BMP7: variants seen among roughly 807,000 people sequenced by gnomAD.
BMP7 encodes bone morphogenetic protein 7.
A neutral mutation model predicts 41.2 loss-of-function variants in BMP7; 12 were observed. That is an observed-to-expected ratio of 0.29 (90% CI 0.19 to 0.47). The LOEUF is 0.47. BMP7 is among the 20% of genes least tolerant of loss of function. BMP7 has a pLI of 0.99. For synonymous variants in BMP7, 248 were observed against 250.0 expected (o/e 0.99, Z 0.07); for missense variants, 467 against 606.0 (o/e 0.77, Z 2.41).
At chr20:57,220,013 G>C (rs959851663) in intron 2 of BMP7, among the ~76,000 whole-genome samples, 5 of 152,160 alleles carry the variant, frequency 3.3e-5, no homozygotes, top group Non-Finnish European at 7.4e-5. Flanking sequence ...GGAGGGAAAG[G>C]GATCCATTAG....
At chr20:57,237,190 CA>C (rs1383454903) in intron 1 of BMP7, among the ~76,000 whole-genome samples, 1 of 152,194 alleles carries the variant, frequency 6.6e-6, no homozygotes, top group Non-Finnish European at 1.5e-5. Flanking sequence ...GGGCCGGGGA[CA>C]GACCCCCACA....
At chr20:57,240,378 T>C (rs2066064183) in intron 1 of BMP7, among the ~76,000 whole-genome samples, 2 of 152,212 alleles carry the variant, frequency 1.3e-5, no homozygotes, top group South Asian at 4.1e-4. Context: ...TCAGCCTGGA[T>C]TTTATTGTCC....
rs1249323883 is a variant in BMP7, at chr20:57,215,292, C to T, written c.612-12669G>A. ...GCATGGGCTTCCGGTTGAGTGCCCCCATTTACTGTCCCCATCACCTCTTCG... is the reference window on the plus strand; with the variant it reads ...GCATGGGCTTCCGGTTGAGTGCCCCTATTTACTGTCCCCATCACCTCTTCG... On this transcript the variant is annotated intron_variant, in intron 2 of 6. Transcript: ENST00000395863. The surrounding 1 kb of genome is among the most constrained non-coding windows in gnomAD (Gnocchi z 4.2). Among the ~76,000 whole-genome samples, 1 of 152,242 alleles carries T rather than the reference C, an allele frequency of 6.6e-6. No individual in the cohort carries two copies. The highest frequency in any genetic ancestry group is 1.5e-5 in the Non-Finnish European group (1 of 68,044).
intron 3 of BMP7, among the ~76,000 whole-genome samples, chr20:57,194,699 T>G (rs963210608): frequency 6.6e-6 from 1 of 152,216 alleles, no homozygotes; most frequent in Non-Finnish European, 1.5e-5. Flanking sequence ...GCTAAGCCCG[T>G]TCCATGCATC....
At position 57,214,131 on chromosome 20, in the gene BMP7, C is replaced by G. The variant is rs1278224642; in HGVS notation, c.612-11508G>C. ...TACCTGAGAGGCGAGCACTGTTGTCCCCTCTCACAGGTGGGAGACTGAGGC... is the reference window on the plus strand; with the variant it reads ...TACCTGAGAGGCGAGCACTGTTGTCGCCTCTCACAGGTGGGAGACTGAGGC... On this transcript the variant is annotated intron_variant, in intron 2 of 6. Transcript: ENST00000395863. This position sits in a 1 kb window ranked among gnomAD's most constrained non-coding sequence, Gnocchi z 4.0. Among the ~76,000 whole-genome samples the G allele has an allele frequency of 1.3e-5, 2 of 152,168 alleles. No individual in the cohort carries two copies. Among genetic ancestry groups the G allele is most frequent in the African/African-American group, 4.8e-5 (2 of 41,434 alleles).
intron 1 of BMP7, among the ~76,000 whole-genome samples, chr20:57,243,459 A>G (rs1005203461): frequency 1.3e-5 from 2 of 152,180 alleles, no homozygotes; most frequent in African/African-American, 2.4e-5. Context: ...TGGGTGACAC[A>G]GCAAGACTCT....
intron 1 of BMP7, among the ~76,000 whole-genome samples, chr20:57,239,380 C>T (rs941786700): frequency 3.3e-5 from 5 of 152,210 alleles, no homozygotes; most frequent in African/African-American, 1.2e-4. Context: ...GGTGGCTTCC[C>T]ATGGTCTTAG....
rs889503060 is a variant in BMP7, at chr20:57,228,578, G to C, written c.419-157C>G. 6.6e-6 allele frequency among the ~76,000 whole-genome samples: 1 copy of C among 152,186 alleles called. No individual in the cohort carries two copies. The highest frequency in any genetic ancestry group is 1.5e-5 in the Non-Finnish European group (1 of 68,034). On this transcript the variant is annotated intron_variant, in intron 1 of 6. Transcript: ENST00000395863. This position sits in a 1 kb window ranked among gnomAD's most constrained non-coding sequence, Gnocchi z 4.5. ...ACTGCTCCTTCCTCACCAACACACT[G>C]TAGACTGGAGGGTCACAGGCTCAGA...
rs569678002 is a variant in BMP7 at position 57,214,501 on chromosome 20, G to T, written c.612-11878C>A. Among the ~76,000 whole-genome samples the T allele has an allele frequency of 9.9e-5, 15 of 152,112 alleles. 1 individual carries two copies. The South Asian group carries it at 2.9e-3, about 30-fold the overall frequency. On this transcript the variant is annotated intron_variant, in intron 2 of 6. Coordinates refer to ENST00000395863, the MANE Select transcript of BMP7 (RefSeq NM_001719.3). The surrounding 1 kb of genome is among the most constrained non-coding windows in gnomAD (Gnocchi z 4.0). ...AACTCCAGGTCATCCAACCTGTAAGGCCCTGGATGGTCCGGCCCCTGTCTC... is the reference window on the plus strand; with the variant it reads ...AACTCCAGGTCATCCAACCTGTAAGTCCCTGGATGGTCCGGCCCCTGTCTC...
intron 2 of BMP7, among the ~76,000 whole-genome samples, chr20:57,204,052 T>C (rs1984679537): frequency 6.6e-6 from 1 of 152,222 alleles, no homozygotes; most frequent in African/African-American, 2.4e-5. Context: ...TGCCCAGGGT[T>C]ATGCCACTAG....
At chr20:57,211,277 G>C (rs1984877249) in intron 2 of BMP7, among the ~76,000 whole-genome samples, 1 of 152,202 alleles carries the variant, frequency 6.6e-6, no homozygotes, top group African/African-American at 2.4e-5. Context: ...AAAAACTGAG[G>C]GGCAGGGAGG....
intron 2 of BMP7, among the ~76,000 whole-genome samples, chr20:57,203,418 T>C (rs563707021): frequency 6.6e-6 from 1 of 151,334 alleles, no homozygotes; most frequent in East Asian, 1.9e-4. Context: ...GGTGAATGAG[T>C]GGATGGATGG....
rs2066153495 is a variant in BMP7 at position 57,261,416 on chromosome 20, C to A, written c.418+4289G>T. 6.6e-6 allele frequency among the ~76,000 whole-genome samples: 1 copy of A among 152,180 alleles called. No individual in the cohort carries two copies. Among genetic ancestry groups the A allele is most frequent in the Admixed American group, 6.6e-5 (1 of 15,266 alleles). ...AACCAAAAACAGCCACCCAAGTTGG[C>A]ATCCAGGGCTCAGCCTTACCCTGCC... On this transcript the variant is annotated intron_variant, in intron 1 of 6. Coordinates refer to ENST00000395863, the MANE Select transcript of BMP7 (RefSeq NM_001719.3). The surrounding 1 kb of genome is among the most constrained non-coding windows in gnomAD (Gnocchi z 4.1).
intron 2 of BMP7, among the ~76,000 whole-genome samples, chr20:57,220,548 G>A (rs1985165055): frequency 6.6e-6 from 1 of 152,196 alleles, no homozygotes; most frequent in African/African-American, 2.4e-5. Context: ...GAATCAAAGT[G>A]CCAAATCAAG....
At chr20:57,229,418 G>T (rs1046352755) in intron 1 of BMP7, among the ~76,000 whole-genome samples, 1 of 152,114 alleles carries the variant, frequency 6.6e-6, no homozygotes, top group African/African-American at 2.4e-5. Context: ...TCCTGGCAGC[G>T]GTATTAGACT....
chr20:57,220,882 G>A (rs777633394), intron 2 of BMP7, among the ~76,000 whole-genome samples: 3 of 152,156 alleles, frequency 2.0e-5, no homozygotes, highest in East Asian at 1.9e-4. Flanking sequence ...TTGGTAGGAC[G>A]AACTAGCTCC....
Position 57,170,593 on chromosome 20 carries a change from C to G in BMP7, c.*366G>C. On this transcript the variant is annotated 3_prime_UTR_variant, in exon 7 of 7. Coordinates refer to ENST00000395863, the MANE Select transcript of BMP7 (RefSeq NM_001719.3). ...AATGTGCCCACCCCTTGCCACGCCC[C>G]CTTCCTCCCACGGCTGGGTGGCCTG... The G allele has an allele frequency of 2.9e-6, 1 of 341,688 alleles. No homozygotes were observed. The highest frequency in any genetic ancestry group is 2.5e-5 in the South Asian group (1 of 40,384). 21.2% of individuals were successfully genotyped at this position (341,688 alleles called of 1,614,324 possible). A position where few individuals can be genotyped will look rare whatever the true frequency, so the allele number is the denominator to read the frequency against.
At chr20:57,229,118 A>C (rs2066019235) in intron 1 of BMP7, among the ~76,000 whole-genome samples, 4 of 152,164 alleles carry the variant, frequency 2.6e-5, no homozygotes, top group Non-Finnish European at 5.9e-5. Context: ...TGCTGACTAC[A>C]CCGTGTAAAT....
At chr20:57,221,396 G>A (rs934320369) in intron 2 of BMP7, among the ~76,000 whole-genome samples, 14 of 152,140 alleles carry the variant, frequency 9.2e-5, no homozygotes, top group Non-Finnish European at 8.8e-5. Flanking sequence ...GGACTGCCAC[G>A]AGGAGAAAGA....
Sources: allele counts gnomAD v4.1 joint callset (sites outside exome capture counted in the v4.1 genomes callset), GRCh38; gene constraint gnomAD v4.1.1; non-coding constraint Gnocchi (gnomAD v3.1); transcripts MANE v1.5; gene names NCBI Gene and HGNC (gene_info 2026-07-23, HGNC 2026-07-21).